The following SH3BGRL2 variants were observed in gnomAD, a reference collection of about 807,000 sequenced individuals.
The protein encoded by SH3BGRL2 is SH3 domain-binding glutamic acid-rich-like protein 2.
SH3BGRL2 carries 21 observed loss-of-function variants against 14.8 expected under a neutral mutation model. The ratio of observed to expected loss-of-function variants is 1.42; its 90% CI spans 1.01 to 2.05. SH3BGRL2 has a LOEUF of 2.05. Among genes scored for constraint, SH3BGRL2 ranks in the 30% most tolerant of loss-of-function variants. The pLI is 0.00. For synonymous variants in SH3BGRL2, 50 were observed against 47.8 expected, an observed-to-expected ratio of 1.05 and a Z score of -0.19; for missense variants, 147 against 130.8, an observed-to-expected ratio of 1.12 and a Z score of -0.61.
the SH3BGRL2 span, among the ~76,000 whole-genome samples, chr6:79,554,621 T>C: frequency 2.0e-5 from 3 of 152,228 alleles, no homozygotes; most frequent in South Asian, 6.2e-4. Context: ...AGCTTTCATA[T>C]TGCAGTTCAG....
chr6:79,641,381 T>C (rs1293334659), intron 1 of SH3BGRL2, among the ~76,000 whole-genome samples: 1 of 152,194 alleles, frequency 6.6e-6, no homozygotes, highest in East Asian at 1.9e-4. Context: ...AAATAAATGT[T>C]TGGGTTGAGT....
chr6:79,638,424 CT>C (rs1462994211), intron 1 of SH3BGRL2, among the ~76,000 whole-genome samples: 2 of 152,062 alleles, frequency 1.3e-5, no homozygotes, highest in Non-Finnish European at 2.9e-5. Context: ...GTGCAGATAC[CT>C]TTTTAATACA....
chr6:79,670,434 A>G (rs186537267), intron 1 of SH3BGRL2, among the ~76,000 whole-genome samples: 4 of 152,358 alleles, frequency 2.6e-5, no homozygotes, highest in African/African-American at 7.2e-5. Flanking sequence ...TTGTTGCTCT[A>G]TGGAGTAAAT....
the SH3BGRL2 span, among the ~76,000 whole-genome samples, chr6:79,622,160 C>G: frequency 2.0e-5 from 3 of 152,076 alleles, no homozygotes; most frequent in African/African-American, 4.8e-5. Context: ...TTGACCAAAC[C>G]TGCAGCTGCA....
chr6:79,561,496 T>C, the SH3BGRL2 span: 3 of 152,314 alleles, frequency 2.0e-5, no homozygotes, highest in African/African-American at 7.2e-5. Flanking sequence ...AAAGTAGTAC[T>C]ACTAAGTATA....
In SH3BGRL2 at chr6:79,703,438, G is replaced by A. The variant is rs996152676; in HGVS notation, c.*3929G>A. The A allele has an allele frequency of 6.6e-6, 1 of 152,096 alleles. No homozygotes were observed. Among genetic ancestry groups the A allele is most frequent in the African/African-American group, 2.4e-5 (1 of 41,418 alleles). The allele number at this position is 152,096 out of a possible 1,614,324, so 9.4% of individuals were successfully genotyped here. A position where few individuals can be genotyped will look rare whatever the true frequency, so the allele number is the denominator to read the frequency against. On this transcript the variant is annotated 3_prime_UTR_variant, in exon 4 of 4. Transcript: ENST00000369838. ...TAATATATATGCTAAAGTATAAAGA[G>A]TAATAATAATGACAATAAACAAACC...
At chr6:79,620,397 A>C in the SH3BGRL2 span, among the ~76,000 whole-genome samples, 1 of 152,232 alleles carries the variant, frequency 6.6e-6, no homozygotes, top group South Asian at 2.1e-4. Context: ...CGTTTATCAG[A>C]CAATTGATGC....
At chr6:79,581,527 A>G in the SH3BGRL2 span, among the ~76,000 whole-genome samples, 1 of 152,230 alleles carries the variant, frequency 6.6e-6, no homozygotes, top group Non-Finnish European at 1.5e-5. Flanking sequence ...AAACAGAACC[A>G]ATGACAGAAA....
chr6:79,683,992 A>T (rs1370944096), intron 2 of SH3BGRL2, among the ~76,000 whole-genome samples: 1 of 152,210 alleles, frequency 6.6e-6, no homozygotes, highest in Admixed American at 6.5e-5. Flanking sequence ...GTGTTACTAG[A>T]GCTCTGTTTA....
At chr6:79,656,951 G>T (rs947839979) in intron 1 of SH3BGRL2, among the ~76,000 whole-genome samples, 1 of 152,122 alleles carries the variant, frequency 6.6e-6, no homozygotes, top group Admixed American at 6.6e-5. Context: ...GGAAATAAAG[G>T]TGTCACCAAA....
the SH3BGRL2 span, among the ~76,000 whole-genome samples, chr6:79,558,279 A>G: frequency 7.1e-4 from 108 of 152,304 alleles, no homozygotes; most frequent in African/African-American, 2.5e-3. Context: ...CAGGTCATAT[A>G]TACACAGAAG....
intron 1 of SH3BGRL2, among the ~76,000 whole-genome samples, chr6:79,666,921 TGACAGAG>T (rs1344566676): frequency 6.6e-6 from 1 of 152,222 alleles, no homozygotes; most frequent in Non-Finnish European, 1.5e-5. Context: ...ACTATATTTT[TGACAGAG>T]GCCACATCTA....
the SH3BGRL2 span, among the ~76,000 whole-genome samples, chr6:79,624,337 ACTAT>A: frequency 1.7e-4 from 25 of 150,380 alleles, no homozygotes; most frequent in Admixed American, 1.0e-3. Context: ...AAAACATAAA[ACTAT>A]CTATAATTAA....
chr6:79,669,382 C>T (rs12176150), intron 1 of SH3BGRL2, among the ~76,000 whole-genome samples: 6 of 151,230 alleles, frequency 4.0e-5, no homozygotes, highest in Admixed American at 6.6e-5. Flanking sequence ...TACCTGTGAA[C>T]GTCTTGTCTA....
the SH3BGRL2 span, among the ~76,000 whole-genome samples, chr6:79,550,627 C>G: frequency 6.6e-6 from 1 of 152,188 alleles, no homozygotes; most frequent in Non-Finnish European, 1.5e-5. Flanking sequence ...CACCTGACTA[C>G]TATTCCTACT....
At chr6:79,579,623 C>T in the SH3BGRL2 span, among the ~76,000 whole-genome samples, 1 of 152,082 alleles carries the variant, frequency 6.6e-6, no homozygotes. Flanking sequence ...ACCACCAGGC[C>T]GGCCTTACAA....
At chr6:79,599,242 CTTAGGGAAG>C in the SH3BGRL2 span, among the ~76,000 whole-genome samples, 1 of 152,130 alleles carries the variant, frequency 6.6e-6, no homozygotes, top group Non-Finnish European at 1.5e-5. Context: ...TCATCCACTT[CTTAGGGAAG>C]TGCAAATTTG....
At chr6:79,561,744 C>T in the SH3BGRL2 span, 1 of 152,202 alleles carries the variant, frequency 6.6e-6, no homozygotes, top group Non-Finnish European at 1.5e-5. Context: ...ACTGGGCAGT[C>T]ATGTTTGTGC....
chr6:79,537,645 G>T, the SH3BGRL2 span, among the ~76,000 whole-genome samples: 1 of 152,202 alleles, frequency 6.6e-6, no homozygotes, highest in African/African-American at 2.4e-5. Flanking sequence ...GCTCCTACGG[G>T]CTGTGCGGTG....
Sources: allele counts gnomAD v4.1 joint callset (sites outside exome capture counted in the v4.1 genomes callset), GRCh38; gene constraint gnomAD v4.1.1; transcripts MANE v1.5; gene names NCBI Gene and HGNC (gene_info 2026-07-23, HGNC 2026-07-21).